Variants in FHIT observed in about 807,000 individuals in gnomAD.
FHIT encodes fragile histidine triad diadenosine triphosphatase.
In FHIT, 19 loss-of-function variants were observed where a neutral mutation model predicts 17.9. The observed-to-expected ratio is 1.06, with a 90% CI of 0.74 to 1.56. The LOEUF (loss-of-function observed/expected upper bound fraction) is 1.56, where lower values mean the gene tolerates loss of function less well. FHIT is among the 40% of genes most tolerant of loss of function. FHIT has a pLI of 0.00. For missense variants in FHIT, 248 were observed against 189.2 expected (o/e 1.31, Z -1.82); for synonymous variants, 81 against 69.7 (o/e 1.16, Z -0.81).
intron 7 of FHIT, among the ~76,000 whole-genome samples, chr3:59,983,138 T>C (rs1038170761): frequency 1.3e-5 from 2 of 151,970 alleles, no homozygotes; most frequent in African/African-American, 4.8e-5. Flanking sequence ...GGGGTTTGGC[T>C]ACGTTGCCCA....
At chr3:61,243,680 T>C (rs1241564921) in intron 1 of FHIT, among the ~76,000 whole-genome samples, 1 of 152,176 alleles carries the variant, frequency 6.6e-6, no homozygotes, top group East Asian at 1.9e-4. Flanking sequence ...ACTGAGTTTC[T>C]TTGGAACACA....
intron 3 of FHIT, among the ~76,000 whole-genome samples, chr3:60,973,402 T>C (rs1710106760): frequency 6.6e-6 from 1 of 152,100 alleles, no homozygotes; most frequent in Admixed American, 6.6e-5. Context: ...TATCAGATAT[T>C]TTCAGCTTTA....
chr3:60,937,304 T>C (rs973309346), intron 3 of FHIT, among the ~76,000 whole-genome samples: 2 of 152,352 alleles, frequency 1.3e-5, no homozygotes, highest in South Asian at 4.1e-4. Context: ...AACTTTTGCC[T>C]ACTAGGAGAA....
At chr3:60,182,865 G>T (rs1287153686) in intron 5 of FHIT, among the ~76,000 whole-genome samples, 1 of 151,508 alleles carries the variant, frequency 6.6e-6, no homozygotes. Context: ...GCCAGTCGGG[G>T]GCAGTGTGTA....
chr3:61,230,581 C>T (rs1284641951), intron 1 of FHIT, among the ~76,000 whole-genome samples: 1 of 152,052 alleles, frequency 6.6e-6, no homozygotes, highest in Non-Finnish European at 1.5e-5. Context: ...AATATCATCA[C>T]ACACTTAAAT....
intron 4 of FHIT, among the ~76,000 whole-genome samples, chr3:60,618,550 T>C (rs1553676871): frequency 6.6e-6 from 1 of 152,234 alleles, no homozygotes; most frequent in African/African-American, 2.4e-5. Flanking sequence ...TTTCCGTTCC[T>C]GCGTTAATTT....
At chr3:60,279,511 C>A (rs1211057744) in intron 5 of FHIT, among the ~76,000 whole-genome samples, 5 of 152,084 alleles carry the variant, frequency 3.3e-5, no homozygotes, top group African/African-American at 1.2e-4. Context: ...TTCTCTACAA[C>A]CTTCTTTAGA....
At chr3:60,115,347 T>C (rs1033343875) in intron 5 of FHIT, among the ~76,000 whole-genome samples, 6 of 152,092 alleles carry the variant, frequency 3.9e-5, no homozygotes, top group African/African-American at 1.4e-4. Flanking sequence ...AAAACTAAAT[T>C]TAAAGCATGA....
chr3:60,561,123 G>A (rs181003), intron 4 of FHIT, among the ~76,000 whole-genome samples: 68,885 of 151,446 alleles, frequency 0.45, 15,804 homozygotes, highest in Middle Eastern at 0.59. Flanking sequence ...TATCTTAGAA[G>A]AGCCTACTGT....
intron 7 of FHIT, among the ~76,000 whole-genome samples, chr3:59,987,034 A>G (rs1056119627): frequency 1.8e-5 from 2 of 108,614 alleles, no homozygotes; most frequent in South Asian, 5.7e-4. Context: ...AATATAAAAT[A>G]TATAAAATAT....
chr3:60,213,649 A>G (rs573530915), intron 5 of FHIT, among the ~76,000 whole-genome samples: 30 of 152,272 alleles, frequency 2.0e-4, no homozygotes, highest in African/African-American at 7.0e-4. Context: ...CCTTCTCCAC[A>G]CTTTACCATA....
intron 5 of FHIT, among the ~76,000 whole-genome samples, chr3:60,029,303 G>A (rs1700882487): frequency 6.6e-6 from 1 of 152,188 alleles, no homozygotes; most frequent in Non-Finnish European, 1.5e-5. Context: ...CCACACTGCT[G>A]TATAAGATGA....
At chr3:61,166,340 A>G (rs2107115018) in intron 2 of FHIT, among the ~76,000 whole-genome samples, 1 of 152,280 alleles carries the variant, frequency 6.6e-6, no homozygotes, top group South Asian at 2.1e-4. Flanking sequence ...TTTGATTCCA[A>G]ACCTAGTGCT....
chr3:60,893,376 T>G (rs745983124), intron 3 of FHIT, among the ~76,000 whole-genome samples: 2 of 152,236 alleles, frequency 1.3e-5, no homozygotes, highest in Non-Finnish European at 2.9e-5. Flanking sequence ...TAAATACATT[T>G]GTATGCTTTT....
chr3:59,963,253 C>A (rs1237406921), intron 7 of FHIT, among the ~76,000 whole-genome samples: 1 of 151,390 alleles, frequency 6.6e-6, no homozygotes, highest in Non-Finnish European at 1.5e-5. Flanking sequence ...GGTGACAGAG[C>A]GAGACTCCAT....
intron 5 of FHIT, among the ~76,000 whole-genome samples, chr3:60,371,362 T>C (rs1700319958): frequency 7.1e-6 from 1 of 141,784 alleles, no homozygotes; most frequent in Non-Finnish European, 1.6e-5. Context: ...TATTTTCTTC[T>C]AGCTTTTTTT....
At chr3:59,871,155 C>A (rs956491481) in intron 8 of FHIT, among the ~76,000 whole-genome samples, 1 of 152,138 alleles carries the variant, frequency 6.6e-6, no homozygotes, top group African/African-American at 2.4e-5. Context: ...TGGCCTACTC[C>A]ATAATTTTTT....
chr3:59,995,969 T>A (rs527902943), intron 7 of FHIT, among the ~76,000 whole-genome samples: 6 of 151,998 alleles, frequency 3.9e-5, no homozygotes, highest in Non-Finnish European at 8.8e-5. Flanking sequence ...CCAAAACTAC[T>A]ATAGATGAAG....
intron 2 of FHIT, among the ~76,000 whole-genome samples, chr3:61,186,934 A>G (rs1005151729): frequency 3.3e-5 from 5 of 152,120 alleles, no homozygotes; most frequent in Non-Finnish European, 7.4e-5. Flanking sequence ...GAGGCCTGCT[A>G]TGTTTTGCCT....
Sources: gnomAD v4.1 joint callset for allele counts (sites outside exome capture counted in the v4.1 genomes callset) on GRCh38, gnomAD v4.1.1 for gene constraint, MANE v1.5 for transcripts, NCBI Gene and HGNC (gene_info 2026-07-23, HGNC 2026-07-21) for gene names.